The following SYT16 variants were observed in gnomAD, a reference collection of about 807,000 sequenced individuals.
SYT16 encodes synaptotagmin 16.
In SYT16, 42 loss-of-function variants were observed where a neutral mutation model predicts 61.4. That is an observed-to-expected ratio of 0.68 (90% CI 0.53 to 0.89). SYT16 has a LOEUF of 0.89. Among genes scored for constraint, SYT16 ranks in the 40% least tolerant of loss-of-function variants. The pLI, the probability that SYT16 is intolerant of heterozygous loss-of-function variation, is 0.00. For synonymous variants in SYT16, 314 were observed against 302.3 expected (o/e 1.04, Z -0.40); for missense variants, 804 against 807.3 (o/e 1.00, Z 0.05).
rs1456149661 is a variant in SYT16 at position 61,891,722 on chromosome 14, T to C, written c.-324-78410T>C. ...TGAAGCCAGAAAATATAATAGTGTATAACCTTAGGCTAGGATCCTACTGAA... is the reference window on the plus strand; with the variant it reads ...TGAAGCCAGAAAATATAATAGTGTACAACCTTAGGCTAGGATCCTACTGAA... On this transcript the variant is annotated intron_variant, in intron 1 of 7. Coordinates refer to ENST00000683842, the MANE Select transcript of SYT16 (RefSeq NM_001367656.1). 2.0e-5 allele frequency among the ~76,000 whole-genome samples: 3 copies of C among 152,284 alleles called. No homozygotes were observed. In the East Asian group the frequency reaches 5.8e-4, roughly 29 times the overall value.
chr14:61,830,684 G>A (rs1180705811), intron 1 of SYT16, among the ~76,000 whole-genome samples: 1 of 152,132 alleles, frequency 6.6e-6, no homozygotes, highest in Non-Finnish European at 1.5e-5. Context: ...GTTGCCTCTT[G>A]CTGTCCTTCA....
At chr14:61,977,354 A>C (rs550045741) in intron 2 of SYT16, among the ~76,000 whole-genome samples, 1 of 152,212 alleles carries the variant, frequency 6.6e-6, no homozygotes, top group Non-Finnish European at 1.5e-5. Flanking sequence ...GGACTGGCTG[A>C]AACTGAGTAA....
intron 3 of SYT16, among the ~76,000 whole-genome samples, chr14:61,996,985 T>C (rs1489856867): frequency 6.6e-6 from 1 of 152,108 alleles, no homozygotes; most frequent in Non-Finnish European, 1.5e-5. Flanking sequence ...CTTCTCACAG[T>C]GTTTCACTGA....
At chr14:61,972,815 C>T (rs977483558) in intron 2 of SYT16, among the ~76,000 whole-genome samples, 1 of 152,120 alleles carries the variant, frequency 6.6e-6, no homozygotes, top group Non-Finnish European at 1.5e-5. Flanking sequence ...TAATTGGCCA[C>T]GATATTTTGG....
In SYT16 at chr14:62,111,004, A is replaced by C. The variant is rs1211108183; in HGVS notation, c.*10297A>C. ...CTTTTACTATCCCACAGAAAAAGTAAAGATTTAAAAAATCATTTTTAAGGT... is the reference window on the plus strand; with the variant it reads ...CTTTTACTATCCCACAGAAAAAGTACAGATTTAAAAAATCATTTTTAAGGT... On this transcript the variant is annotated 3_prime_UTR_variant, in exon 8 of 8. Coordinates refer to ENST00000683842, the MANE Select transcript of SYT16 (RefSeq NM_001367656.1). 3 of 152,090 alleles carry C rather than the reference A, an allele frequency of 2.0e-5. No individual in the cohort carries two copies. The highest frequency in any genetic ancestry group is 7.2e-5 in the African/African-American group (3 of 41,446). 9.4% of individuals were successfully genotyped at this position (152,090 alleles called of 1,614,324 possible). A position where few individuals can be genotyped will look rare whatever the true frequency, so the allele number is the denominator to read the frequency against.
chr14:62,004,994 A>C (rs1416509075), intron 3 of SYT16, among the ~76,000 whole-genome samples: 1 of 152,118 alleles, frequency 6.6e-6, no homozygotes, highest in Non-Finnish European at 1.5e-5. Flanking sequence ...GGCTTCCCAG[A>C]TGGTCTCCAG....
At chr14:61,960,143 A>G (rs2051057813) in intron 1 of SYT16, among the ~76,000 whole-genome samples, 1 of 152,128 alleles carries the variant, frequency 6.6e-6, no homozygotes, top group Admixed American at 6.6e-5. Context: ...TTCTTAAAGA[A>G]CAGTTTTGGT....
chr14:62,006,291 T>C (rs952704100), intron 3 of SYT16, among the ~76,000 whole-genome samples: 1 of 152,168 alleles, frequency 6.6e-6, no homozygotes, highest in African/African-American at 2.4e-5. Context: ...TAAGCCATAG[T>C]ACATGGGCTG....
intron 1 of SYT16, among the ~76,000 whole-genome samples, chr14:61,957,859 G>C (rs1267849631): frequency 6.6e-6 from 1 of 151,832 alleles, no homozygotes; most frequent in Non-Finnish European, 1.5e-5. Context: ...CTCTTTTTAA[G>C]AGTTTTAGGA....
rs749939385 is a variant in SYT16, at chr14:62,078,138, GCT to G, written c.994-2679_994-2678del. ...CTCTCTCTCTCTCTAGTGCTCTCTC[GCT>G]CTCTCTCTCTCTCTCTATATATATA... On this transcript the variant is annotated intron_variant, in intron 5 of 7. Transcript: ENST00000683842. Among the ~76,000 whole-genome samples, 41 of 133,608 alleles carry G rather than the reference GCT, an allele frequency of 3.1e-4. No individual in the cohort carries two copies. The South Asian group carries it at 4.0e-3, about 13-fold the overall frequency. 87.7% of individuals were successfully genotyped at this position (133,608 alleles called of 152,430 possible).
intron 2 of SYT16, among the ~76,000 whole-genome samples, chr14:61,989,629 G>A (rs923611381): frequency 6.6e-6 from 1 of 152,138 alleles, no homozygotes; most frequent in Non-Finnish European, 1.5e-5. Flanking sequence ...AGTTGCAAGA[G>A]TAGTGATTTT....
chr14:61,914,357 C>T (rs896894402), intron 1 of SYT16, among the ~76,000 whole-genome samples: 4 of 152,128 alleles, frequency 2.6e-5, no homozygotes, highest in African/African-American at 9.7e-5. Context: ...ATCATGCTGT[C>T]TATATGAAGG....
In SYT16 at chr14:62,075,156, G is replaced by A. The variant is rs768771757; in HGVS notation, c.758G>A (p.Arg253Gln). Reference sequence around the variant, plus strand: ...TTAGATTTGGATGGAGCCAGCCAACGGCGTTATTCTGAGAATCTCTCCTAC... The same window carrying A: ...TTAGATTTGGATGGAGCCAGCCAACAGCGTTATTCTGAGAATCTCTCCTAC... ...ACEDLDGASQRRYSENLSYGE... is the reference protein window; with the variant it reads ...ACEDLDGASQQRYSENLSYGE... Residue 253 changes from arginine to glutamine, a missense_variant, in exon 5 of 8, where the codon CGG becomes CAG. By Grantham distance (43) the Arg-to-Gln change is conservative (BLOSUM62 1). Coordinates refer to ENST00000683842, the MANE Select transcript of SYT16 (RefSeq NM_001367656.1). 5 of 1,610,070 alleles carry A rather than the reference G, an allele frequency of 3.1e-6. No individual in the cohort carries two copies. The South Asian group carries it at 3.3e-5, about 11-fold the overall frequency.
At chr14:61,934,162 TTTTG>T in intron 1 of SYT16, among the ~76,000 whole-genome samples, 1 of 152,356 alleles carries the variant, frequency 6.6e-6, no homozygotes, top group South Asian at 2.1e-4. Flanking sequence ...TATAAACTTA[TTTTG>T]TTTGCTTTTT....
At chr14:61,920,763 T>A (rs929757534) in intron 1 of SYT16, among the ~76,000 whole-genome samples, 1 of 152,244 alleles carries the variant, frequency 6.6e-6, no homozygotes, top group African/African-American at 2.4e-5. Context: ...TTACTGGATG[T>A]GTCAGACTCT....
intron 1 of SYT16, among the ~76,000 whole-genome samples, chr14:61,854,451 T>C (rs2046714802): frequency 1.3e-5 from 2 of 152,358 alleles, no homozygotes; most frequent in Admixed American, 1.3e-4. Context: ...CGCGTGCACA[T>C]GCTTATACCT....
At chr14:61,819,769 G>A (rs1363317725) in intron 1 of SYT16, among the ~76,000 whole-genome samples, 1 of 152,186 alleles carries the variant, frequency 6.6e-6, no homozygotes, top group Non-Finnish European at 1.5e-5. Flanking sequence ...CACAGGCCTG[G>A]TTCCAGAGGT....
At chr14:62,028,566 A>G (rs1423052105) in intron 3 of SYT16, among the ~76,000 whole-genome samples, 1 of 152,156 alleles carries the variant, frequency 6.6e-6, no homozygotes, top group African/African-American at 2.4e-5. Context: ...TTAAACTTTT[A>G]GGTGAGTTGG....
chr14:61,929,593 T>C (rs1315369946), intron 1 of SYT16, among the ~76,000 whole-genome samples: 1 of 152,206 alleles, frequency 6.6e-6, no homozygotes. Flanking sequence ...GATCCGTGAA[T>C]TTACAGTGAA....
Sources: gnomAD v4.1 joint callset for allele counts (sites outside exome capture counted in the v4.1 genomes callset) on GRCh38, gnomAD v4.1.1 for gene constraint, MANE v1.5 for transcripts, NCBI Gene and HGNC (gene_info 2026-07-23, HGNC 2026-07-21) for gene names.